The following SORCS3 variants were observed in gnomAD, a reference collection of about 807,000 sequenced individuals.
SORCS3 encodes sortilin related VPS10 domain containing receptor 3.
SORCS3 carries 57 observed loss-of-function variants against 146.3 expected under a neutral mutation model. The ratio of observed to expected loss-of-function variants is 0.39; its 90% CI spans 0.31 to 0.49. The LOEUF is 0.49. SORCS3 is among the 20% of genes least tolerant of loss of function. The probability of loss-of-function intolerance (pLI) is 0.92; values close to 1 mark genes in which losing one functional copy is unlikely to be tolerated. For missense variants in SORCS3, 1,341 were observed against 1,575.5 expected (o/e 0.85, Z 2.52); for synonymous variants, 653 against 618.5 (o/e 1.06, Z -0.83).
chr10:104,865,628 T>C (rs1384012809), intron 2 of SORCS3, among the ~76,000 whole-genome samples: 1 of 152,164 alleles, frequency 6.6e-6, no homozygotes, highest in African/African-American at 2.4e-5. Context: ...CTTTTATTGA[T>C]GAAGCATAGA....
At chr10:104,831,945 T>G (rs549747396) in intron 1 of SORCS3, among the ~76,000 whole-genome samples, 4 of 152,336 alleles carry the variant, frequency 2.6e-5, no homozygotes, top group African/African-American at 9.6e-5. Flanking sequence ...TATGTGCACA[T>G]AAAGCAGGCA....
chr10:105,115,375 A>G (rs2055886170), intron 7 of SORCS3, among the ~76,000 whole-genome samples: 1 of 152,240 alleles, frequency 6.6e-6, no homozygotes, highest in Admixed American at 6.5e-5. Flanking sequence ...TCCACATGCA[A>G]AAATCAGCCT....
intron 23 of SORCS3, among the ~76,000 whole-genome samples, chr10:105,253,945 A>G (rs1290451966): frequency 6.6e-6 from 1 of 152,258 alleles, no homozygotes; most frequent in African/African-American, 2.4e-5. Flanking sequence ...TGGAAGCTAC[A>G]ATATCCATCC....
intron 4 of SORCS3, among the ~76,000 whole-genome samples, chr10:104,985,302 C>T (rs1395733463): frequency 6.6e-6 from 1 of 152,174 alleles, no homozygotes; most frequent in African/African-American, 2.4e-5. Flanking sequence ...TTTCTTGGCT[C>T]ATCTGTAAGT....
At chr10:104,861,161 G>C (rs2018396709) in intron 2 of SORCS3, among the ~76,000 whole-genome samples, 1 of 152,122 alleles carries the variant, frequency 6.6e-6, no homozygotes, top group East Asian at 1.9e-4. Context: ...ACTACTGAGG[G>C]ACTTGTCAAA....
intron 3 of SORCS3, among the ~76,000 whole-genome samples, chr10:104,955,257 A>G (rs2019476210): frequency 6.6e-6 from 1 of 152,176 alleles, no homozygotes. Context: ...ATTTCATATA[A>G]ATGGAGACAT....
chr10:104,661,328 G>C (rs963308298), intron 1 of SORCS3, among the ~76,000 whole-genome samples: 2 of 152,168 alleles, frequency 1.3e-5, no homozygotes, highest in Non-Finnish European at 2.9e-5. Context: ...CCCCTTGACA[G>C]CTATGTTATT....
chr10:104,692,792 A>G (rs1232759879), intron 1 of SORCS3, among the ~76,000 whole-genome samples: 1 of 152,336 alleles, frequency 6.6e-6, no homozygotes. Flanking sequence ...AAGAAAAAGC[A>G]TGTCTCTCTT....
chr10:104,908,196 G>A (rs551715280), intron 2 of SORCS3, among the ~76,000 whole-genome samples: 1 of 152,208 alleles, frequency 6.6e-6, no homozygotes, highest in African/African-American at 2.4e-5. Context: ...GCTCCCCAAG[G>A]CCTGGCACTT....
chr10:105,236,306 C>G (rs1278339476), intron 20 of SORCS3, among the ~76,000 whole-genome samples: 1 of 152,122 alleles, frequency 6.6e-6, no homozygotes, highest in African/African-American at 2.4e-5. Flanking sequence ...TGCACTCTCC[C>G]CAGTCCCAGA....
chr10:105,107,391 TA>T (rs2055829974), intron 7 of SORCS3, among the ~76,000 whole-genome samples: 2 of 151,950 alleles, frequency 1.3e-5, no homozygotes, highest in Admixed American at 1.3e-4. Flanking sequence ...CCCTTAATGC[TA>T]AATATGCTAG....
At chr10:104,822,340 G>A (rs2017883132) in intron 1 of SORCS3, among the ~76,000 whole-genome samples, 1 of 152,174 alleles carries the variant, frequency 6.6e-6, no homozygotes, top group Non-Finnish European at 1.5e-5. Flanking sequence ...AGATATGTGA[G>A]GAACTTACTT....
At chr10:105,097,066 C>CA (rs2055751524) in intron 6 of SORCS3, among the ~76,000 whole-genome samples, 1 of 152,158 alleles carries the variant, frequency 6.6e-6, no homozygotes, top group African/African-American at 2.4e-5. Flanking sequence ...CCCAGAGAAG[C>CA]AGCACAGAGC....
chr10:105,129,297 C>G (rs2055998667), intron 7 of SORCS3, among the ~76,000 whole-genome samples: 1 of 149,532 alleles, frequency 6.7e-6, no homozygotes, highest in Non-Finnish European at 1.5e-5. Flanking sequence ...CTCCTCTCAG[C>G]TCCATTTTCT....
At chr10:105,046,497 C>T (rs1477767787) in intron 5 of SORCS3, among the ~76,000 whole-genome samples, 1 of 152,048 alleles carries the variant, frequency 6.6e-6, no homozygotes, top group African/African-American at 2.4e-5. Flanking sequence ...AAAGAACGAA[C>T]CCCGTGCATG....
At chr10:105,056,529 C>T (rs952998987) in intron 5 of SORCS3, among the ~76,000 whole-genome samples, 18 of 152,182 alleles carry the variant, frequency 1.2e-4, no homozygotes, top group African/African-American at 4.3e-4. Flanking sequence ...AGAGGACATT[C>T]ATCTTTTGTG....
chr10:105,147,535 A>G, intron 8 of SORCS3, 82 bp from the exon 9 acceptor site: 1 of 1,228,144 alleles, frequency 8.1e-7, no homozygotes, highest in East Asian at 2.5e-5. Flanking sequence ...GCAATTTCAT[A>G]AGTCATAGTA....
intron 2 of SORCS3, among the ~76,000 whole-genome samples, chr10:104,903,325 C>T (rs942174657): frequency 6.6e-6 from 1 of 152,170 alleles, no homozygotes; most frequent in Non-Finnish European, 1.5e-5. Flanking sequence ...GTCTAAGTGT[C>T]TGCCAGAGTC....
At chr10:104,876,228 C>T (rs1376909945) in intron 2 of SORCS3, among the ~76,000 whole-genome samples, 1 of 152,136 alleles carries the variant, frequency 6.6e-6, no homozygotes, top group African/African-American at 2.4e-5. Context: ...TAATCATTTC[C>T]TGTTATAGCC....
Sources: allele counts gnomAD v4.1 joint callset (sites outside exome capture counted in the v4.1 genomes callset), GRCh38; gene constraint gnomAD v4.1.1; transcripts MANE v1.5; gene names NCBI Gene and HGNC (gene_info 2026-07-23, HGNC 2026-07-21).